The following LPAR3 variants were observed in gnomAD, a reference collection of about 807,000 sequenced individuals.
LPAR3 encodes lysophosphatidic acid receptor 3.
Under a neutral mutation model 17.8 loss-of-function variants are expected in LPAR3, and 7 were observed. The ratio of observed to expected loss-of-function variants is 0.39; its 90% CI spans 0.22 to 0.74. LPAR3 has a LOEUF of 0.74. Ranked by LOEUF, LPAR3 falls within the 30% of genes least tolerant of loss-of-function variation. The pLI, the probability that LPAR3 is intolerant of heterozygous loss-of-function variation, is 0.40. For missense variants in LPAR3, 391 were observed against 453.4 expected (o/e 0.86, Z 1.25); for synonymous variants, 179 against 179.9 (o/e 0.99, Z 0.04).
At chr1:84,856,401 T>G (rs1257490383) in intron 2 of LPAR3, among the ~76,000 whole-genome samples, 1 of 152,206 alleles carries the variant, frequency 6.6e-6, no homozygotes. Context: ...CTGTTTTCTT[T>G]TTTTCTATTT....
intron 1 of LPAR3, among the ~76,000 whole-genome samples, chr1:84,871,141 T>G (rs1660152604): frequency 6.6e-6 from 1 of 152,208 alleles, no homozygotes; most frequent in African/African-American, 2.4e-5. Context: ...TTTGTTTTTA[T>G]ACTAAAGGTT....
intron 2 of LPAR3, among the ~76,000 whole-genome samples, chr1:84,833,626 G>C (rs1659335714): frequency 6.6e-6 from 1 of 152,244 alleles, no homozygotes; most frequent in Non-Finnish European, 1.5e-5. Context: ...TCTAGAGCCA[G>C]ACCGCTGGAT....
intron 1 of LPAR3, among the ~76,000 whole-genome samples, chr1:84,888,153 C>CAT (rs1372948035): frequency 7.5e-4 from 55 of 73,336 alleles, no homozygotes; most frequent in Admixed American, 1.8e-3. Flanking sequence ...TACATACATA[C>CAT]ACACACACAC....
intron 2 of LPAR3, among the ~76,000 whole-genome samples, chr1:84,840,985 T>C (rs1659493512): frequency 6.6e-6 from 1 of 152,222 alleles, no homozygotes; most frequent in Non-Finnish European, 1.5e-5. Context: ...GTAGACCTTC[T>C]TCTGAGCAAG....
chr1:84,878,923 T>C (rs1445926666), intron 1 of LPAR3, among the ~76,000 whole-genome samples: 1 of 152,218 alleles, frequency 6.6e-6, no homozygotes, highest in Non-Finnish European at 1.5e-5. Context: ...ACTACTATAG[T>C]GTTCCCTGCC....
At chr1:84,845,484 C>T (rs909966866) in intron 2 of LPAR3, among the ~76,000 whole-genome samples, 4 of 152,160 alleles carry the variant, frequency 2.6e-5, no homozygotes, top group Non-Finnish European at 4.4e-5. Flanking sequence ...GGTATAAAGG[C>T]CCTGTAAACT....
intron 1 of LPAR3, among the ~76,000 whole-genome samples, chr1:84,884,539 A>G (rs1440053490): frequency 6.6e-6 from 1 of 152,058 alleles, no homozygotes; most frequent in Non-Finnish European, 1.5e-5. Flanking sequence ...TCACAGTAAA[A>G]CTCTAAATGC....
intron 2 of LPAR3, among the ~76,000 whole-genome samples, chr1:84,864,736 C>T (rs12031952): frequency 0.27 from 40,802 of 151,696 alleles, 6,652 homozygotes; most frequent in African/African-American, 0.46. Flanking sequence ...TGAGCTGAGA[C>T]GGCACCACTG....
intron 1 of LPAR3, among the ~76,000 whole-genome samples, chr1:84,890,120 T>G (rs1660526202): frequency 6.6e-6 from 1 of 152,098 alleles, no homozygotes; most frequent in Admixed American, 6.6e-5. Context: ...ACAGCAGGAC[T>G]GAGTTCCAGG....
rs117956820 is a variant in LPAR3 at position 84,812,330 on chromosome 1, C to T, written c.*1516G>A. ...CCTAGACTGGAAAGTCTAGGTGGCC[C>T]GTGAATTGATTTCACCTTCGCTGTC... On this transcript the variant is annotated 3_prime_UTR_variant, in exon 3 of 3. Transcript: ENST00000370611. 0.024 allele frequency: 3,638 copies of T among 152,038 alleles called. 75 individuals carry two copies. Among genetic ancestry groups the T allele is most frequent in the Admixed American group, 0.038 (582 of 15,260 alleles). 9.4% of individuals were successfully genotyped at this position (152,038 alleles called of 1,614,324 possible).
intron 1 of LPAR3, among the ~76,000 whole-genome samples, chr1:84,889,935 G>GA (rs1382625742): frequency 1.3e-5 from 2 of 152,124 alleles, no homozygotes; most frequent in Admixed American, 1.3e-4. Flanking sequence ...CTATATAAAT[G>GA]AAAAAAACTT....
At chr1:84,855,465 A>G (rs1250804042) in intron 2 of LPAR3, among the ~76,000 whole-genome samples, 2 of 152,166 alleles carry the variant, frequency 1.3e-5, no homozygotes, top group African/African-American at 4.8e-5. Flanking sequence ...TGGGTACTGG[A>G]ACCTCTCCCT....
intron 1 of LPAR3, among the ~76,000 whole-genome samples, chr1:84,875,036 ACTACAGGCCC>A (rs1660230113): frequency 1.3e-5 from 2 of 151,794 alleles, no homozygotes; most frequent in South Asian, 4.2e-4. Flanking sequence ...AGTGGCTGGG[ACTACAGGCCC>A]AAGCCACCAT....
At chr1:84,854,738 T>G (rs1401452330) in intron 2 of LPAR3, among the ~76,000 whole-genome samples, 3 of 152,178 alleles carry the variant, frequency 2.0e-5, no homozygotes, top group Non-Finnish European at 2.9e-5. Flanking sequence ...TAAAATAGGT[T>G]CACCACTGAG....
intron 2 of LPAR3, among the ~76,000 whole-genome samples, chr1:84,831,494 A>G (rs1432823190): frequency 2.0e-5 from 3 of 151,864 alleles, no homozygotes; most frequent in Admixed American, 6.6e-5. Flanking sequence ...CTTAAAACAT[A>G]TAACTACCCT....
At chr1:84,844,024 T>G (rs1240092083) in intron 2 of LPAR3, among the ~76,000 whole-genome samples, 1 of 152,242 alleles carries the variant, frequency 6.6e-6, no homozygotes, top group Non-Finnish European at 1.5e-5. Flanking sequence ...CTTGACATTC[T>G]GTTCTAATTT....
At chr1:84,832,850 A>G (rs1659314890) in intron 2 of LPAR3, among the ~76,000 whole-genome samples, 1 of 152,244 alleles carries the variant, frequency 6.6e-6, no homozygotes, top group African/African-American at 2.4e-5. Flanking sequence ...ACATTTGGGT[A>G]CATCAGATAT....
rs974420032 is a variant in LPAR3, at chr1:84,861,074, T to C, written c.736+4311A>G. 2.6e-5 allele frequency among the ~76,000 whole-genome samples: 4 copies of C among 152,286 alleles called. No homozygotes were observed. The East Asian group carries it at 5.8e-4, about 22-fold the overall frequency. On this transcript the variant is annotated intron_variant, in intron 2 of 2. Transcript: ENST00000370611. ...TTAAATGAATCTTTCCTACAAAATATGTATCAAGGAGTAAATGGAAATGTT... is the reference window on the plus strand; with the variant it reads ...TTAAATGAATCTTTCCTACAAAATACGTATCAAGGAGTAAATGGAAATGTT...
At chr1:84,881,969 G>A (rs1270186855) in intron 1 of LPAR3, among the ~76,000 whole-genome samples, 1 of 152,170 alleles carries the variant, frequency 6.6e-6, no homozygotes, top group Non-Finnish European at 1.5e-5. Context: ...CATAGTATTG[G>A]AAGTCCCAGC....
Sources: allele counts gnomAD v4.1 joint callset (sites outside exome capture counted in the v4.1 genomes callset), GRCh38; gene constraint gnomAD v4.1.1; transcripts MANE v1.5; gene names NCBI Gene and HGNC (gene_info 2026-07-23, HGNC 2026-07-21).